The following WIF1 variants were observed in gnomAD, a reference collection of about 807,000 sequenced individuals.
WIF1 encodes the protein Wnt inhibitory factor 1.
A neutral mutation model predicts 53.5 loss-of-function variants in WIF1; 35 were observed. The observed-to-expected ratio is 0.65, with a 90% confidence interval of 0.50 to 0.87. WIF1 has a LOEUF of 0.87. Among genes scored for constraint, WIF1 ranks in the 40% least tolerant of loss-of-function variants. WIF1 has a pLI of 0.00. For synonymous variants in WIF1, 171 were observed against 170.4 expected (o/e 1.00, Z -0.03); for missense variants, 467 against 476.8 (o/e 0.98, Z 0.19).
intron 2 of WIF1, chr12:65,083,932 G>A: frequency 3.5e-6 from 1 of 288,852 alleles, no homozygotes; most frequent in Non-Finnish European, 6.7e-6. Flanking sequence ...TCAACCTCCT[G>A]GGCTCAAGCC....
At chr12:65,054,999 G>T in intron 9 of WIF1, 119 bp downstream of exon 9, 1 of 981,604 alleles carries the variant, frequency 1.0e-6, no homozygotes, top group Non-Finnish European at 1.5e-6. Flanking sequence ...GTTATAGGTT[G>T]ACTGTTAGCC....
At chr12:65,106,542 T>C (rs1399438624) in intron 2 of WIF1, among the ~76,000 whole-genome samples, 1 of 152,032 alleles carries the variant, frequency 6.6e-6, no homozygotes, top group Non-Finnish European at 1.5e-5. Flanking sequence ...TTTTGTGTTT[T>C]TAGTAGAGAT....
intron 2 of WIF1, among the ~76,000 whole-genome samples, chr12:65,106,381 T>A (rs914110477): frequency 7.2e-4 from 82 of 114,236 alleles, no homozygotes; most frequent in African/African-American, 2.7e-3. Context: ...ATATTTTTTT[T>A]TATTTTTTTT....
intron 2 of WIF1, among the ~76,000 whole-genome samples, chr12:65,114,093 G>A (rs557220466): frequency 2.5e-4 from 38 of 152,298 alleles, no homozygotes; most frequent in African/African-American, 7.9e-4. Context: ...CTGCAGGGTT[G>A]GAAAGAAGTG....
intron 2 of WIF1, among the ~76,000 whole-genome samples, chr12:65,107,478 G>A (rs1197878676): frequency 2.0e-5 from 3 of 152,092 alleles, no homozygotes; most frequent in Non-Finnish European, 1.5e-5. Context: ...ACAAAAATTA[G>A]CCAGGCATGG....
intron 2 of WIF1, 57 bp from the exon 3 acceptor site, chr12:65,077,911 C>T (rs1882889463): frequency 7.5e-7 from 1 of 1,326,626 alleles, no homozygotes; most frequent in Non-Finnish European, 1.1e-6. Context: ...GAGAAGGCAC[C>T]ACAGAATTCA....
chr12:65,074,832 A>AG lies in WIF1; in HGVS notation c.397+2913_397+2914insC, dbSNP rs1243623563. On this transcript the variant is annotated intron_variant, in intron 3 of 9. Coordinates refer to ENST00000286574, the MANE Select transcript of WIF1 (RefSeq NM_007191.5). ...CACTCTGTCTCAAAAAAAAAAAAAA[A>AG]AAAAAAGAAAAGAAAAAGAAAATTA... 4.2e-5 allele frequency among the ~76,000 whole-genome samples: 6 copies of AG among 142,468 alleles called. No individual in the cohort carries two copies. In the South Asian group the frequency reaches 8.7e-4, roughly 21 times the overall value. The allele number at this position is 142,468 out of a possible 152,430, so 93.5% of individuals were successfully genotyped here.
At chr12:65,076,373 G>A (rs997952617) in intron 3 of WIF1, among the ~76,000 whole-genome samples, 1 of 152,116 alleles carries the variant, frequency 6.6e-6, no homozygotes, top group African/African-American at 2.4e-5. Context: ...AGTAGTTAAT[G>A]TGATTAATAA....
chr12:65,104,183 G>A (rs1270320748), intron 2 of WIF1, among the ~76,000 whole-genome samples: 3 of 152,082 alleles, frequency 2.0e-5, no homozygotes, highest in African/African-American at 7.2e-5. Context: ...ATATATGCCC[G>A]TTCTTATTAT....
intron 9 of WIF1, 139 bp downstream of exon 9, chr12:65,054,979 G>T: frequency 2.6e-6 from 2 of 781,514 alleles, no homozygotes; most frequent in Non-Finnish European, 3.9e-6. Context: ...GAAATGGAAA[G>T]CAGGGCTGAG....
At chr12:65,071,199 A>T (rs533559615) in intron 3 of WIF1, among the ~76,000 whole-genome samples, 2 of 146,102 alleles carry the variant, frequency 1.4e-5, no homozygotes, top group South Asian at 4.5e-4. Flanking sequence ...GAGCCACTGC[A>T]GTCCAGCCTG....
intron 2 of WIF1, 135 bp downstream of exon 2, chr12:65,120,278 ATTCT>A: frequency 1.1e-6 from 1 of 903,988 alleles, no homozygotes; most frequent in Non-Finnish European, 1.6e-6. Context: ...ATGGAAATTA[ATTCT>A]TTATTTGCTT....
intron 5 of WIF1, 22 bp downstream of exon 5, chr12:65,067,673 G>C: frequency 1.2e-6 from 2 of 1,605,738 alleles, no homozygotes; most frequent in Non-Finnish European, 1.7e-6. Context: ...AGGGAGCAAG[G>C]GAAATCGGCT....
chr12:65,067,257 A>T (rs937049868), intron 5 of WIF1, among the ~76,000 whole-genome samples: 2 of 152,048 alleles, frequency 1.3e-5, no homozygotes, highest in Non-Finnish European at 2.9e-5. Context: ...TTCCTTGCTT[A>T]TGTCTTTTTT....
rs1285039860 is a variant in WIF1, at chr12:65,083,538, ACT to A, written c.289-5686_289-5685del. The stretch of plus-strand genomic sequence containing the variant: ...CTCATAATCATATAAAATCACTAAG[ACT>A]CTTTTTATATTGTCATGAAGCTCAG... On this transcript the variant is annotated intron_variant, in intron 2 of 9. Transcript: ENST00000286574. Among the ~76,000 whole-genome samples, 7 of 151,906 alleles carry A rather than the reference ACT, an allele frequency of 4.6e-5. No homozygotes were observed. The East Asian group carries it at 1.4e-3, about 29-fold the overall frequency.
intron 2 of WIF1, among the ~76,000 whole-genome samples, chr12:65,107,714 A>G (rs1271460385): frequency 6.6e-6 from 1 of 152,152 alleles, no homozygotes; most frequent in African/African-American, 2.4e-5. Context: ...TCCATTATTG[A>G]TACTGAAATA....
rs764333265 is a variant in WIF1, at chr12:65,051,486, C to T, written c.1019-16G>A. On this transcript the variant is annotated splice_polypyrimidine_tract_variant and intron_variant, in intron 9 of 9. Transcript: ENST00000286574. ...GCTTCGTACCCTGCAAAATTATTCA[C>T]AGCTTAAAAGGAAAGAAACTACAAA... 6.4e-7 allele frequency: 1 copy of T among 1,574,104 alleles called. No homozygotes were observed. Among genetic ancestry groups the T allele is most frequent in the South Asian group, 1.2e-5 (1 of 84,800 alleles).
chr12:65,107,964 T>C (rs1883374525), intron 2 of WIF1, among the ~76,000 whole-genome samples: 1 of 152,232 alleles, frequency 6.6e-6, no homozygotes, highest in South Asian at 2.1e-4. Flanking sequence ...AGCCATGAAG[T>C]TAAGCAGAGC....
At chr12:65,079,786 T>G (rs956110927) in intron 2 of WIF1, among the ~76,000 whole-genome samples, 2 of 152,310 alleles carry the variant, frequency 1.3e-5, no homozygotes, top group East Asian at 1.9e-4. Flanking sequence ...TTACATTAAT[T>G]TAATGTAATG....
Sources: gnomAD v4.1 joint callset for allele counts (sites outside exome capture counted in the v4.1 genomes callset) on GRCh38, gnomAD v4.1.1 for gene constraint, MANE v1.5 for transcripts, NCBI Gene and HGNC (gene_info 2026-07-23, HGNC 2026-07-21) for gene names.